CENPF: variants seen among roughly 807,000 people sequenced by gnomAD.
CENPF encodes the protein centromere protein F.
In CENPF, 214 loss-of-function variants were observed where a neutral mutation model predicts 307.3. The ratio of observed to expected loss-of-function variants is 0.70; its 90% CI spans 0.62 to 0.78. The LOEUF is 0.78. Ranked by LOEUF, CENPF falls within the 30% of genes least tolerant of loss-of-function variation. The pLI is 0.00. For synonymous variants in CENPF, 1,259 were observed against 1,270.6 expected (o/e 0.99, Z 0.19); for missense variants, 3,401 against 3,483.9 (o/e 0.98, Z 0.60).
At chr1:214,605,384 A>T (rs1170072409) in intron 1 of CENPF, 3 of 378,440 alleles carry the variant, frequency 7.9e-6, no homozygotes, top group African/African-American at 6.2e-5. Context: ...TAGAGCAGCT[A>T]AATAACTTGC....
At chr1:214,605,668 G>A in intron 1 of CENPF, 1 of 1,575,330 alleles carries the variant, frequency 6.3e-7, no homozygotes, top group Non-Finnish European at 8.6e-7. Flanking sequence ...GCCGGTTGGT[G>A]CCGCCGCTAG....
chr1:214,604,161 A>T (rs1656962717), intron 1 of CENPF, among the ~76,000 whole-genome samples: 1 of 152,170 alleles, frequency 6.6e-6, no homozygotes, highest in South Asian at 2.1e-4. Context: ...ACAACGGGAA[A>T]GCAGTGGTGG....
chr1:214,632,706 G>A lies in CENPF; in HGVS notation c.1446+104G>A, dbSNP rs778987983. 215 of 1,352,154 alleles carry A rather than the reference G, an allele frequency of 1.6e-4. 1 individual carries two copies. Among genetic ancestry groups the A allele is most frequent in the Non-Finnish European group, 2.1e-4 (207 of 995,548 alleles). 83.8% of individuals were successfully genotyped at this position (1,352,154 alleles called of 1,614,324 possible). ...TGTCAGTTGCTTGTCATGACTGTGTGCCTTTTTCTTTTCTATTCACCAGAA... is the reference window on the plus strand; with the variant it reads ...TGTCAGTTGCTTGTCATGACTGTGTACCTTTTTCTTTTCTATTCACCAGAA... On this transcript the variant is annotated intron_variant, in intron 10 of 19. Transcript: ENST00000366955.
chr1:214,625,225 T>C (rs1657619333), intron 7 of CENPF, among the ~76,000 whole-genome samples: 3 of 151,952 alleles, frequency 2.0e-5, no homozygotes, highest in Admixed American at 2.0e-4. Flanking sequence ...CTATCTGTCT[T>C]TTTTTTTGAG....
At chr1:214,619,249 G>C in intron 5 of CENPF, 29 bp downstream of exon 5, 1 of 1,041,868 alleles carries the variant, frequency 9.6e-7, no homozygotes, top group Non-Finnish European at 1.5e-6. Context: ...CTATAATAGA[G>C]TATGCAGTTA....
rs1427465373 is a variant in CENPF, at chr1:214,663,625, G to T, written c.9176G>T (p.Gly3059Val). 2 of 1,614,116 alleles carry T rather than the reference G, an allele frequency of 1.2e-6. No individual in the cohort carries two copies. Among genetic ancestry groups the T allele is most frequent in the South Asian group, 1.1e-5 (1 of 91,066 alleles). The change falls in exon 20 of 20, where the codon GGC becomes GTC. Residue 3059 changes from glycine (G) to valine (V), a missense_variant. Physicochemically the swap from Gly to Val is moderately radical, Grantham distance 109. Transcript: ENST00000366955. ...GCTCAGCGGAGCCCAGTAGATTCAG[G>T]CACCATCCTCCGAGAACCCACCACG... ...KVAQRSPVDSGTILREPTTKS... is the reference protein window; with the variant it reads ...KVAQRSPVDSVTILREPTTKS...
At chr1:214,656,573 T>A (rs369801) in intron 17 of CENPF, among the ~76,000 whole-genome samples, 2 of 151,974 alleles carry the variant, frequency 1.3e-5, no homozygotes, top group African/African-American at 4.8e-5. Flanking sequence ...GTTCATCCAC[T>A]TATGGTAGAC....
At chr1:214,628,835 A>G (rs1657727215) in intron 7 of CENPF, among the ~76,000 whole-genome samples, 1 of 152,264 alleles carries the variant, frequency 6.6e-6, no homozygotes, top group African/African-American at 2.4e-5. Context: ...ACAAAATGTT[A>G]GATGAATCGT....
chr1:214,605,927 T>G, intron 1 of CENPF: 4 of 1,597,384 alleles, frequency 2.5e-6, no homozygotes, highest in East Asian at 2.2e-5. Context: ...GCAGTAGGTC[T>G]TCTTGGTGTC....
At position 214,613,796 on chromosome 1, in the gene CENPF, A is replaced by G. The variant is rs1016742110; in HGVS notation, c.42A>G (p.Thr14=). The part of the protein sequence containing the change: ...ALEEWKEGLP[T]RALQKIQELE... ...AAGAATGGAAAGAAGGGCTGCCTAC[A>G]AGAGCTCTTCAGAAAATTCAAGAGC... The change falls in exon 2 of 20, where the codon ACA becomes ACG. Residue 14 remains threonine, a synonymous_variant. Coordinates refer to ENST00000366955, the MANE Select transcript of CENPF (RefSeq NM_016343.4). 6.2e-7 allele frequency: 1 copy of G among 1,613,422 alleles called. No homozygotes were observed. Among genetic ancestry groups the G allele is most frequent in the Non-Finnish European group, 8.5e-7 (1 of 1,179,740 alleles).
Position 214,657,149 on chromosome 1 carries a change from C to T in CENPF, c.8702C>T (p.Pro2901Leu). The stretch of plus-strand genomic sequence containing the variant: ...TCTAAACAAGATTCCCGAGGGTCTC[C>T]TTTGCTAGGTCCAGTTGTTCCAGGA... ...QQSKQDSRGS[P>L]LLGPVVPGPS... is the part of the protein sequence containing the mutation. The change falls in exon 18 of 20, where the codon CCT becomes CTT. Residue 2901 changes from proline to leucine, a missense_variant. Physicochemically the swap from Pro to Leu is moderately conservative, Grantham distance 98 (BLOSUM62 -3). Transcript: ENST00000366955. 6 of 1,614,170 alleles carry T rather than the reference C, an allele frequency of 3.7e-6. No individual in the cohort carries two copies. In the African/African-American group the frequency reaches 8.0e-5, roughly 22 times the overall value.
chr1:214,632,301 G>A (rs575981872), intron 9 of CENPF, among the ~76,000 whole-genome samples, 179 bp from the exon 10 acceptor site: 6 of 152,150 alleles, frequency 3.9e-5, no homozygotes, highest in South Asian at 4.1e-4. Context: ...GCTGAGTGAC[G>A]TCGCAAGGTC....
intron 3 of CENPF, among the ~76,000 whole-genome samples, chr1:214,615,563 G>A (rs564988480): frequency 3.3e-5 from 5 of 152,222 alleles, no homozygotes; most frequent in South Asian, 4.2e-4. Context: ...ATAAAAGGAC[G>A]GAATAGCATG....
In CENPF at chr1:214,628,633, G is replaced by A. The variant is rs940965492; in HGVS notation, c.1069-413G>A. 5.9e-5 allele frequency among the ~76,000 whole-genome samples: 9 copies of A among 152,094 alleles called. No homozygotes were observed. In the East Asian group the frequency reaches 1.5e-3, roughly 26 times the overall value. Reference sequence around the variant, plus strand: ...CTAATTTTTGTATTTTAGTAGAGACGGCGTTTCACCATGTTGCCTCAGCAT... The same window carrying A: ...CTAATTTTTGTATTTTAGTAGAGACAGCGTTTCACCATGTTGCCTCAGCAT... On this transcript the variant is annotated intron_variant, in intron 7 of 19. Transcript: ENST00000366955.
In CENPF at chr1:214,645,764, A is replaced by G; in HGVS notation, c.6194A>G (p.Lys2065Arg). ...CAAATTGCACAACTGAATAAAGAGA[A>G]AGAATTGCTTGTCAAGGAATCTGAA... ...ENQIAQLNKE[K>R]ELLVKESESL... Residue 2065 changes from lysine (K) to arginine (R), a missense_variant, in exon 13 of 20, where the codon AAA becomes AGA. Coordinates refer to ENST00000366955, the MANE Select transcript of CENPF (RefSeq NM_016343.4). 1 of 1,614,198 alleles carries G rather than the reference A, an allele frequency of 6.2e-7. No individual in the cohort carries two copies. The highest frequency in any genetic ancestry group is 1.1e-5 in the South Asian group (1 of 91,078).
Position 214,646,881 on chromosome 1 carries a change from C to CA in CENPF, c.7312dup (p.Thr2438AsnfsTer15). 1 of 1,613,592 alleles carries CA rather than the reference C, an allele frequency of 6.2e-7. No homozygotes were observed. Among genetic ancestry groups the CA allele is most frequent in the Non-Finnish European group, 8.5e-7 (1 of 1,179,836 alleles). ...AAGTACAGATGAAAGAAAAATCAAG[C>CA]ACTGCCATGGAGATGCTTCAAACAC... is the stretch of plus-strand genomic sequence containing the variant. On this transcript the variant is annotated frameshift_variant, in exon 13 of 20. Coordinates refer to ENST00000366955, the MANE Select transcript of CENPF (RefSeq NM_016343.4). LOFTEE classifies it high-confidence loss of function.
chr1:214,663,785 G>A lies in CENPF; in HGVS notation c.9336G>A (p.Lys3112=), dbSNP rs1435784817. The A allele has an allele frequency of 6.2e-7, 1 of 1,613,642 alleles. No homozygotes were observed. The highest frequency in any genetic ancestry group is 1.3e-5 in the African/African-American group (1 of 74,936). ...AGTCCAACGGCAGTGAGAACTGTAA[G>A]GTCCAGTGAAGGCACTTTGTGTGTC... ...GLESNGSENC[K]VQ The change falls in exon 20 of 20, where the codon AAG becomes AAA. Residue 3112 remains lysine, a synonymous_variant. Transcript: ENST00000366955.
rs780523917 is a variant in CENPF, at chr1:214,632,627, TCTCC to T, written c.1446+26_1446+29del. ...GGTAAGGGAGGAGGATGCCGAATTT[TCTCC>T]ACTTATGTAAGAACCAAGTGCAAGG... On this transcript the variant is annotated intron_variant, in intron 10 of 19. Coordinates refer to ENST00000366955, the MANE Select transcript of CENPF (RefSeq NM_016343.4). The T allele has an allele frequency of 2.5e-6, 4 of 1,610,972 alleles. No individual in the cohort carries two copies. The Admixed American group carries it at 5.1e-5, about 20-fold the overall frequency.
intron 1 of CENPF, among the ~76,000 whole-genome samples, chr1:214,611,645 C>T (rs1378840392): frequency 1.3e-5 from 2 of 152,188 alleles, no homozygotes; most frequent in Non-Finnish European, 2.9e-5. Context: ...GGATTACAGG[C>T]GTGAGCCACT....
Sources: allele counts gnomAD v4.1 joint callset (sites outside exome capture counted in the v4.1 genomes callset), GRCh38; gene constraint gnomAD v4.1.1; transcripts MANE v1.5; gene names NCBI Gene and HGNC (gene_info 2026-07-23, HGNC 2026-07-21).